The following SEMA6D variants were observed in gnomAD, a reference collection of about 807,000 sequenced individuals.
The protein encoded by SEMA6D is semaphorin 6D.
A neutral mutation model predicts 106.6 loss-of-function variants in SEMA6D; 35 were observed. The observed-to-expected ratio is 0.33, with a 90% CI of 0.25 to 0.44. The LOEUF is 0.44. Ranked by LOEUF, SEMA6D falls within the 20% of genes least tolerant of loss-of-function variation. The pLI is 1.00. For synonymous variants in SEMA6D, 499 were observed against 487.7 expected (o/e 1.02, Z -0.31); for missense variants, 1,185 against 1,345.9 (o/e 0.88, Z 1.87).
At chr15:47,199,949 C>T (rs1894613427) in intron 1 of SEMA6D, among the ~76,000 whole-genome samples, 1 of 152,062 alleles carries the variant, frequency 6.6e-6, no homozygotes, top group African/African-American at 2.4e-5. Context: ...TACTGTTTGA[C>T]AGATTTAAAA....
chr15:47,233,446 A>G (rs183492424), intron 1 of SEMA6D, among the ~76,000 whole-genome samples: 16 of 152,126 alleles, frequency 1.1e-4, no homozygotes, highest in African/African-American at 3.4e-4. Flanking sequence ...TGAATTTTAG[A>G]ATTAGCTTGC....
rs532412081 is a variant in SEMA6D, at chr15:47,538,764, T to G, written c.-86-62101T>G. Among the ~76,000 whole-genome samples, 16 of 152,340 alleles carry G rather than the reference T, an allele frequency of 1.1e-4. No individual in the cohort carries two copies. The South Asian group carries it at 3.3e-3, about 32-fold the overall frequency. On this transcript the variant is annotated intron_variant, in intron 3 of 19. Transcript: ENST00000558014. ...AATAACCTTTCCAGAATTTTCCAACTGTCAAAAAATCTACATAAAATTATA... is the reference window on the plus strand; with the variant it reads ...AATAACCTTTCCAGAATTTTCCAACGGTCAAAAAATCTACATAAAATTATA...
At chr15:47,671,772 G>A (rs918481974) in intron 4 of SEMA6D, among the ~76,000 whole-genome samples, 2 of 152,122 alleles carry the variant, frequency 1.3e-5, no homozygotes, top group Non-Finnish European at 2.9e-5. Flanking sequence ...TTGAAGAGAT[G>A]TGAAAGAAGC....
intron 1 of SEMA6D, among the ~76,000 whole-genome samples, chr15:47,363,328 CTTA>C (rs1045862019): frequency 1.3e-4 from 20 of 152,276 alleles, no homozygotes; most frequent in African/African-American, 4.3e-4. Flanking sequence ...CCATGAAACA[CTTA>C]TTATGAGCCT....
At chr15:47,341,257 G>A (rs957404228) in intron 1 of SEMA6D, among the ~76,000 whole-genome samples, 1 of 152,036 alleles carries the variant, frequency 6.6e-6, no homozygotes. Flanking sequence ...AGGTGTGGTG[G>A]TGGGCGCCTG....
chr15:47,460,661 T>C (rs1012158108), intron 2 of SEMA6D, among the ~76,000 whole-genome samples: 12 of 152,092 alleles, frequency 7.9e-5, no homozygotes, highest in African/African-American at 2.4e-4. Context: ...GCAGATAATA[T>C]TGTGAAAGGG....
chr15:47,362,230 A>G (rs573394548), intron 1 of SEMA6D, among the ~76,000 whole-genome samples: 1 of 152,272 alleles, frequency 6.6e-6, no homozygotes, highest in Admixed American at 6.5e-5. Flanking sequence ...TGTGGAAATC[A>G]TTATGGGGAA....
chr15:47,489,339 T>G (rs941354482), intron 3 of SEMA6D, among the ~76,000 whole-genome samples: 15 of 152,224 alleles, frequency 9.9e-5, no homozygotes, highest in African/African-American at 3.6e-4. Flanking sequence ...TTCTGTTGTT[T>G]TAGGCCACCA....
chr15:47,254,237 G>T (rs997063171), intron 1 of SEMA6D, among the ~76,000 whole-genome samples: 11 of 147,470 alleles, frequency 7.5e-5, no homozygotes, highest in African/African-American at 2.7e-4. Context: ...AATAGTTTTT[G>T]GTGAAGTCTT....
chr15:47,731,889 A>G (rs544501094), intron 1 of SEMA6D, among the ~76,000 whole-genome samples: 20 of 152,300 alleles, frequency 1.3e-4, no homozygotes, highest in African/African-American at 4.6e-4. Flanking sequence ...AACACACCAC[A>G]CATAGACATG....
intron 4 of SEMA6D, among the ~76,000 whole-genome samples, chr15:47,656,351 G>T (rs2077794377): frequency 6.6e-6 from 1 of 152,188 alleles, no homozygotes; most frequent in Non-Finnish European, 1.5e-5. Context: ...TGCTGTGTTT[G>T]TGGTGACTTT....
At chr15:47,582,923 T>A (rs2076278931) in intron 3 of SEMA6D, among the ~76,000 whole-genome samples, 1 of 152,224 alleles carries the variant, frequency 6.6e-6, no homozygotes, top group Admixed American at 6.5e-5. Flanking sequence ...AGCTATATCA[T>A]TTGCCACAAA....
intron 4 of SEMA6D, among the ~76,000 whole-genome samples, chr15:47,650,104 A>G (rs1189640108): frequency 6.6e-6 from 1 of 152,242 alleles, no homozygotes; most frequent in East Asian, 1.9e-4. Flanking sequence ...CACAGGCATC[A>G]TCAGATCTTA....
intron 1 of SEMA6D, among the ~76,000 whole-genome samples, chr15:47,245,862 G>T (rs2033166418): frequency 6.6e-6 from 1 of 152,108 alleles, no homozygotes; most frequent in Non-Finnish European, 1.5e-5. Context: ...AAAAATTTGT[G>T]TATAGATAGC....
At chr15:47,698,720 A>G (rs1056669025) in intron 4 of SEMA6D, among the ~76,000 whole-genome samples, 1 of 152,196 alleles carries the variant, frequency 6.6e-6, no homozygotes, top group African/African-American at 2.4e-5. Flanking sequence ...CAGGGCAGGC[A>G]TAACTAATTA....
At chr15:47,701,994 A>C (rs915251649) in intron 4 of SEMA6D, among the ~76,000 whole-genome samples, 3 of 152,206 alleles carry the variant, frequency 2.0e-5, no homozygotes, top group African/African-American at 7.2e-5. Context: ...AAACTAGTCA[A>C]AAGTGTTTCC....
chr15:47,640,920 A>G (rs192438264), intron 4 of SEMA6D, among the ~76,000 whole-genome samples: 176 of 152,150 alleles, frequency 1.2e-3, no homozygotes, highest in African/African-American at 4.0e-3. Context: ...ACACACCTAC[A>G]CAGCCTATTA....
At chr15:47,386,751 C>A (rs2039852910) in intron 1 of SEMA6D, among the ~76,000 whole-genome samples, 1 of 152,168 alleles carries the variant, frequency 6.6e-6, no homozygotes, top group African/African-American at 2.4e-5. Context: ...TTTCCCCTTT[C>A]ACTAGTAGAA....
At chr15:47,661,555 A>G (rs937963997) in intron 4 of SEMA6D, among the ~76,000 whole-genome samples, 3 of 152,224 alleles carry the variant, frequency 2.0e-5, no homozygotes, top group African/African-American at 7.2e-5. Flanking sequence ...AGAGAGAAAA[A>G]CAGTATTAGT....
Sources: gnomAD v4.1 joint callset for allele counts (sites outside exome capture counted in the v4.1 genomes callset) on GRCh38, gnomAD v4.1.1 for gene constraint, MANE v1.5 for transcripts, NCBI Gene and HGNC (gene_info 2026-07-23, HGNC 2026-07-21) for gene names.